Variants in PRKN observed in about 807,000 individuals in gnomAD.
PRKN encodes the protein E3 ubiquitin-protein ligase parkin.
In PRKN, 56 loss-of-function variants were observed where a neutral mutation model predicts 59.5. The ratio of observed to expected loss-of-function variants is 0.94; its 90% CI spans 0.76 to 1.18. The LOEUF (loss-of-function observed/expected upper bound fraction) is 1.18. Ranked by LOEUF, PRKN falls within the 50% of genes most tolerant of loss-of-function variation. The pLI is 0.00. For missense variants in PRKN, 657 were observed against 596.4 expected (o/e 1.10, Z -1.06); for synonymous variants, 250 against 222.1 (o/e 1.13, Z -1.12).
intron 2 of PRKN, among the ~76,000 whole-genome samples, chr6:162,419,386 C>T (rs9365416): frequency 0.51 from 78,268 of 152,044 alleles, 20,522 homozygotes; most frequent in East Asian, 0.69. Context: ...CTAAAATCAA[C>T]TGAGCTTAAG....
intron 4 of PRKN, among the ~76,000 whole-genome samples, chr6:162,113,223 A>C (rs1562521092): frequency 6.6e-6 from 1 of 152,134 alleles, no homozygotes; most frequent in Non-Finnish European, 1.5e-5. Flanking sequence ...ATTAGAAAAG[A>C]CCCGATCTAA....
chr6:162,710,803 CT>C (rs1778508689), intron 1 of PRKN, among the ~76,000 whole-genome samples: 3 of 152,098 alleles, frequency 2.0e-5, no homozygotes, highest in Admixed American at 2.0e-4. Flanking sequence ...TGCAACTAAG[CT>C]CTTGTGGAGA....
intron 6 of PRKN, among the ~76,000 whole-genome samples, chr6:161,844,088 A>C (rs1279537363): frequency 6.6e-6 from 1 of 152,194 alleles, no homozygotes; most frequent in Non-Finnish European, 1.5e-5. Flanking sequence ...ATGAATAAGA[A>C]TTTTCAGTAA....
intron 10 of PRKN, among the ~76,000 whole-genome samples, chr6:161,364,918 G>A (rs1374674171): frequency 6.9e-6 from 1 of 144,670 alleles, no homozygotes; most frequent in Non-Finnish European, 1.5e-5. Context: ...GCAACGGAGT[G>A]AGACTTTGTC....
chr6:161,805,414 G>A (rs1208013456), intron 6 of PRKN, among the ~76,000 whole-genome samples: 2 of 151,560 alleles, frequency 1.3e-5, no homozygotes, highest in African/African-American at 4.9e-5. Context: ...GGTCCCGCTA[G>A]GGAGCCCTCC....
chr6:161,648,762 C>T (rs1375153421), intron 7 of PRKN, among the ~76,000 whole-genome samples: 1 of 152,134 alleles, frequency 6.6e-6, no homozygotes, highest in East Asian at 1.9e-4. Context: ...TTGTACTAAA[C>T]TTAAGCATTC....
intron 9 of PRKN, among the ~76,000 whole-genome samples, chr6:161,430,746 C>T (rs1204853854): frequency 2.3e-5 from 3 of 132,670 alleles, no homozygotes; most frequent in East Asian, 2.3e-4. Context: ...ACCTGGGAGG[C>T]GGAGCTTGCA....
chr6:161,951,655 C>A (rs952755634), intron 6 of PRKN, among the ~76,000 whole-genome samples: 1 of 152,234 alleles, frequency 6.6e-6, no homozygotes, highest in Non-Finnish European at 1.5e-5. Flanking sequence ...GTGGCTCACG[C>A]CTGTTATCCC....
intron 6 of PRKN, among the ~76,000 whole-genome samples, chr6:161,812,679 G>A (rs1313073761): frequency 6.6e-6 from 1 of 152,142 alleles, no homozygotes; most frequent in East Asian, 1.9e-4. Context: ...TTAAAACAAT[G>A]TAAGATATTA....
rs141209674 is a variant in PRKN at position 162,430,902 on chromosome 6, T to A, written c.171+12408A>T. The stretch of plus-strand genomic sequence containing the variant: ...AAGTGTTATGTACAAAAATTTCTTC[T>A]GATTTAAAAGGGCAGAACAAATCTA... On this transcript the variant is annotated intron_variant, in intron 2 of 11. Transcript: ENST00000366898. 1.1e-3 allele frequency among the ~76,000 whole-genome samples: 172 copies of A among 152,302 alleles called. 3 individuals are homozygous for A. In the East Asian group the frequency reaches 0.023, roughly 21 times the overall value.
intron 7 of PRKN, among the ~76,000 whole-genome samples, chr6:161,608,698 A>T (rs1194721853): frequency 6.6e-6 from 1 of 151,274 alleles, no homozygotes; most frequent in Non-Finnish European, 1.5e-5. Flanking sequence ...ACGCCCGGCT[A>T]ATTTTTTTTT....
At chr6:161,803,075 G>A (rs1791157601) in intron 6 of PRKN, among the ~76,000 whole-genome samples, 1 of 152,172 alleles carries the variant, frequency 6.6e-6, no homozygotes, top group East Asian at 1.9e-4. Context: ...CTCTTCAATT[G>A]GGACTTATAG....
chr6:162,075,683 CT>C (rs1562498100), intron 4 of PRKN, among the ~76,000 whole-genome samples: 2 of 151,922 alleles, frequency 1.3e-5, no homozygotes, highest in African/African-American at 2.4e-5. Context: ...GCATGTATCA[CT>C]GAAGTAAGAA....
intron 2 of PRKN, among the ~76,000 whole-genome samples, chr6:162,343,873 G>A (rs1397672893): frequency 2.6e-5 from 4 of 152,032 alleles, no homozygotes; most frequent in Admixed American, 1.3e-4. Context: ...ATACAAAAAC[G>A]TTACTTATGA....
intron 4 of PRKN, among the ~76,000 whole-genome samples, chr6:162,196,783 C>A (rs1285841544): frequency 1.3e-5 from 2 of 152,228 alleles, no homozygotes; most frequent in African/African-American, 4.8e-5. Flanking sequence ...AAATGTGAAA[C>A]ATGATTAAAC....
intron 2 of PRKN, among the ~76,000 whole-genome samples, chr6:162,297,316 G>T (rs866142397): frequency 6.6e-6 from 1 of 151,860 alleles, no homozygotes; most frequent in African/African-American, 2.4e-5. Flanking sequence ...AATGGCATCC[G>T]TTACAAGATC....
chr6:162,059,545 A>C (rs117243357), intron 4 of PRKN, among the ~76,000 whole-genome samples: 8,229 of 152,266 alleles, frequency 0.054, 299 homozygotes, highest in Non-Finnish European at 0.079. Context: ...ATAGTTTTTA[A>C]ATAGTAGCAA....
intron 1 of PRKN, among the ~76,000 whole-genome samples, chr6:162,646,265 A>G (rs1383640392): frequency 1.0e-5 from 1 of 99,710 alleles, no homozygotes; most frequent in Non-Finnish European, 2.0e-5. Flanking sequence ...AAATTAAAAT[A>G]CAAAGTTTTT....
chr6:161,355,773 G>A lies in PRKN; in HGVS notation c.1285+4315C>T, dbSNP rs529618575. ...TCTCTTCTGGGATTGGAGCCTAGAC[G>A]GTCAAGGTCCCTGATCTCACCGGCT... On this transcript the variant is annotated intron_variant, in intron 11 of 11. Coordinates refer to ENST00000366898, the MANE Select transcript of PRKN (RefSeq NM_004562.3). The surrounding 1 kb of genome is among the most constrained non-coding windows in gnomAD (Gnocchi z 6.8). Among the ~76,000 whole-genome samples the A allele has an allele frequency of 2.4e-4, 37 of 152,304 alleles. No homozygotes were observed. The highest frequency in any genetic ancestry group is 9.7e-4 in the East Asian group (5 of 5,180).
Sources: allele counts gnomAD v4.1 joint callset (sites outside exome capture counted in the v4.1 genomes callset), GRCh38; gene constraint gnomAD v4.1.1; non-coding constraint Gnocchi (gnomAD v3.1); transcripts MANE v1.5; gene names NCBI Gene and HGNC (gene_info 2026-07-23, HGNC 2026-07-21).